RAB40C: variants seen among roughly 807,000 people sequenced by gnomAD.
RAB40C encodes RAB40C, member RAS oncogene family, also known as ras-related protein Rab-40C.
A neutral mutation model predicts 28.1 loss-of-function variants in RAB40C; 8 were observed. The ratio of observed to expected loss-of-function variants is 0.28; its 90% CI spans 0.17 to 0.51. RAB40C has a LOEUF of 0.51. Among genes scored for constraint, RAB40C ranks in the 20% least tolerant of loss-of-function variants. The pLI is 0.97. For missense variants in RAB40C, 288 were observed against 405.9 expected (o/e 0.71, Z 2.50); for synonymous variants, 201 against 171.7 (o/e 1.17, Z -1.34).
At chr16:609,760 A>T (rs1366209748) in intron 1 of RAB40C, among the ~76,000 whole-genome samples, 1 of 152,206 alleles carries the variant, frequency 6.6e-6, no homozygotes, top group Non-Finnish European at 1.5e-5. Context: ...AAAGTTGAGG[A>T]CATCTCCCAG....
intron 3 of RAB40C, chr16:624,948 TG>T (rs1567194894): frequency 7.8e-7 from 1 of 1,288,974 alleles, no homozygotes; most frequent in South Asian, 1.2e-5. Context: ...TCTGCCTGGC[TG>T]GGGGAGCTTC....
At chr16:627,124 G>A (rs1472002666) in intron 5 of RAB40C, among the ~76,000 whole-genome samples, 2 of 152,210 alleles carry the variant, frequency 1.3e-5, no homozygotes, top group Admixed American at 6.5e-5. Context: ...ACCGCCCAGC[G>A]TGCCTGGCTT....
intron 1 of RAB40C, chr16:616,966 T>C (rs1229832638): frequency 3.7e-6 from 2 of 537,826 alleles, no homozygotes; most frequent in Non-Finnish European, 6.8e-6. Context: ...TGACACTGTA[T>C]GGACCACGCT....
At chr16:611,019 A>G (rs1173729140) in intron 1 of RAB40C, among the ~76,000 whole-genome samples, 1 of 152,068 alleles carries the variant, frequency 6.6e-6, no homozygotes, top group African/African-American at 2.4e-5. Context: ...GTCTTCTTAC[A>G]CTTTTCCTCT....
chr16:596,429 C>A (rs2036126483), intron 1 of RAB40C: 1 of 436,812 alleles, frequency 2.3e-6, no homozygotes. Context: ...ACAGCTGAGT[C>A]CTCCCCTGCG....
At chr16:618,345 C>T (rs2036632825) in intron 3 of RAB40C, 85 bp downstream of exon 3, 1 of 1,311,098 alleles carries the variant, frequency 7.6e-7, no homozygotes, top group Non-Finnish European at 1.1e-6. Flanking sequence ...TCCTGTCAAA[C>T]TCCCAAGGAC....
intron 2 of RAB40C, 138 bp downstream of exon 2, chr16:617,406 A>G (rs1332684179): frequency 3.0e-5 from 31 of 1,030,828 alleles, no homozygotes; most frequent in Non-Finnish European, 4.4e-6. Flanking sequence ...CTGTTTAAAC[A>G]TAGAATGGAT....
intron 3 of RAB40C, among the ~76,000 whole-genome samples, chr16:622,507 G>A (rs554767388): frequency 3.5e-4 from 53 of 152,316 alleles, no homozygotes; most frequent in African/African-American, 1.2e-3. Flanking sequence ...GCACTCGCTC[G>A]TTCTTTTGTT....
At chr16:600,518 C>T (rs1169995812) in intron 1 of RAB40C, among the ~76,000 whole-genome samples, 2 of 152,142 alleles carry the variant, frequency 1.3e-5, no homozygotes, top group South Asian at 2.1e-4. Context: ...TTTGGGAGGC[C>T]GAGGCGGGCG....
intron 1 of RAB40C, among the ~76,000 whole-genome samples, chr16:603,556 C>T (rs2036298200): frequency 6.6e-6 from 1 of 152,184 alleles, no homozygotes; most frequent in Admixed American, 6.5e-5. Flanking sequence ...GTCCCCTAAT[C>T]CTTAGACCTC....
intron 1 of RAB40C, among the ~76,000 whole-genome samples, chr16:591,255 C>G (rs2035990208): frequency 6.7e-6 from 1 of 148,342 alleles, no homozygotes; most frequent in Non-Finnish European, 1.5e-5. Flanking sequence ...CATCTGGGGT[C>G]TGAGGGAAGG....
At chr16:595,252 G>A (rs1370881604) in intron 1 of RAB40C, among the ~76,000 whole-genome samples, 3 of 152,086 alleles carry the variant, frequency 2.0e-5, no homozygotes, top group African/African-American at 4.8e-5. Flanking sequence ...CGCTGCCCCC[G>A]TGTAGCCCCC....
chr16:599,974 C>T (rs2036214883), intron 1 of RAB40C, among the ~76,000 whole-genome samples: 3 of 74,408 alleles, frequency 4.0e-5, no homozygotes, highest in Non-Finnish European at 2.6e-5. Flanking sequence ...CATCAGTCAG[C>T]GTGGATTCGC....
At chr16:625,841 C>A in intron 4 of RAB40C, 58 bp from the exon 5 acceptor site, 1 of 1,472,978 alleles carries the variant, frequency 6.8e-7, no homozygotes, top group Non-Finnish European at 9.3e-7. Flanking sequence ...GGCCCTGCTG[C>A]GGCTGAGGGG....
In RAB40C at chr16:615,035, T is replaced by G. The variant is rs111508882; in HGVS notation, c.143-2173T>G. ...GGCACAACCATTGTTCCTTCTTGTCTTGGAAACGAGGACCCGAGGGAGACC... is the reference window on the plus strand; with the variant it reads ...GGCACAACCATTGTTCCTTCTTGTCGTGGAAACGAGGACCCGAGGGAGACC... On this transcript the variant is annotated intron_variant, in intron 1 of 5. Transcript: ENST00000248139. Among the ~76,000 whole-genome samples, 6 of 152,358 alleles carry G rather than the reference T, an allele frequency of 3.9e-5. 1 individual carries two copies. The highest frequency in any genetic ancestry group is 1.4e-4 in the African/African-American group (6 of 41,584).
chr16:609,927 C>T (rs974857272), intron 1 of RAB40C, among the ~76,000 whole-genome samples: 5 of 151,968 alleles, frequency 3.3e-5, no homozygotes, highest in African/African-American at 2.4e-5. Flanking sequence ...CCACAGAGTA[C>T]GAAAAAGACC....
intron 1 of RAB40C, among the ~76,000 whole-genome samples, chr16:594,818 CTTTT>C (rs1006905623): frequency 4.6e-5 from 6 of 130,316 alleles, no homozygotes; most frequent in Admixed American, 1.5e-4. Flanking sequence ...GCTCGTCTTC[CTTTT>C]TTTTTTTTTT....
Position 618,207 on chromosome 16 carries a change from T to C in RAB40C, c.211T>C (p.Ser71Pro), listed in dbSNP as rs1877595200. 1 of 1,613,302 alleles carries C rather than the reference T, an allele frequency of 6.2e-7. No individual in the cohort carries two copies. Among genetic ancestry groups the C allele is most frequent in the Non-Finnish European group, 8.5e-7 (1 of 1,179,832 alleles). ...CCTCCCCGTATGTTTCAGGGACACGTCGGGCCAGGGCCGGTTCTGCACCAT... is the reference window on the plus strand; with the variant it reads ...CCTCCCCGTATGTTTCAGGGACACGCCGGGCCAGGGCCGGTTCTGCACCAT... ...RRVKLELWDTSGQGRFCTIFR... is the reference protein window; with the variant it reads ...RRVKLELWDTPGQGRFCTIFR... Residue 71 changes from serine (S) to proline (P), a missense_variant, in exon 3 of 6, where the codon TCG (serine) becomes CCG (proline). This residue lies in a region of RAB40C where 153 missense variants were observed against 262.4 expected (regional missense o/e 0.58). Transcript: ENST00000248139.
chr16:614,163 CCGA>C, intron 1 of RAB40C, among the ~76,000 whole-genome samples: 1 of 142,450 alleles, frequency 7.0e-6, no homozygotes, highest in Admixed American at 7.0e-5. Flanking sequence ...CTACCGCATC[CCGA>C]TGGTGAACTG....
Sources: allele counts gnomAD v4.1 joint callset (sites outside exome capture counted in the v4.1 genomes callset), GRCh38; gene constraint gnomAD v4.1.1; regional missense constraint gnomAD v4.1.1; transcripts MANE v1.5; gene names NCBI Gene and HGNC (gene_info 2026-07-23, HGNC 2026-07-21).